The following THSD4 variants were observed in gnomAD, a reference collection of about 807,000 sequenced individuals.
The protein encoded by THSD4 is thrombospondin type 1 domain containing 4, also known as thrombospondin type-1 domain-containing protein 4.
A neutral mutation model predicts 119.0 loss-of-function variants in THSD4; 69 were observed. That is an observed-to-expected ratio of 0.58 (90% CI 0.48 to 0.71). The LOEUF (loss-of-function observed/expected upper bound fraction) is 0.71, where lower values mean the gene tolerates loss of function less well. Ranked by LOEUF, THSD4 falls within the 30% of genes least tolerant of loss-of-function variation. The pLI, the probability that THSD4 is intolerant of heterozygous loss-of-function variation, is 0.00. For missense variants in THSD4, 1,393 were observed against 1,391.1 expected, an observed-to-expected ratio of 1.00 and a Z score of -0.02; for synonymous variants, 524 against 540.4, an observed-to-expected ratio of 0.97 and a Z score of 0.42.
At chr15:71,530,945 C>T (rs368753116) in intron 7 of THSD4, among the ~76,000 whole-genome samples, 7 of 54,108 alleles carry the variant, frequency 1.3e-4, no homozygotes, top group East Asian at 5.0e-4. Flanking sequence ...AAATGGGGGG[C>T]GGGGGCATTG....
chr15:71,529,986 G>T (rs2140809785), intron 7 of THSD4, among the ~76,000 whole-genome samples: 1 of 152,302 alleles, frequency 6.6e-6, no homozygotes, highest in African/African-American at 2.4e-5. Context: ...ATCTGTGGCT[G>T]CTTATCCCAA....
intron 7 of THSD4, among the ~76,000 whole-genome samples, chr15:71,586,754 T>G (rs983277731): frequency 3.9e-5 from 6 of 152,196 alleles, no homozygotes; most frequent in African/African-American, 7.2e-5. Context: ...CGTGGGATTA[T>G]CCAGGGTATG....
intron 6 of THSD4, among the ~76,000 whole-genome samples, chr15:71,374,025 GAGGGT>G (rs1290592965): frequency 6.6e-6 from 1 of 152,232 alleles, no homozygotes; most frequent in African/African-American, 2.4e-5. Flanking sequence ...AATAAGTCAA[GAGGGT>G]AGACCTGGAA....
At chr15:71,327,449 CTT>C (rs2045360792) in intron 6 of THSD4, among the ~76,000 whole-genome samples, 3 of 151,208 alleles carry the variant, frequency 2.0e-5, no homozygotes, top group Middle Eastern at 3.4e-3. Context: ...GAACCACACA[CTT>C]TATAAAACCA....
chr15:71,116,631 G>T (rs1215142699), intron 1 of THSD4, among the ~76,000 whole-genome samples: 1 of 152,162 alleles, frequency 6.6e-6, no homozygotes, highest in Non-Finnish European at 1.5e-5. Context: ...AAGCTTGGAC[G>T]TGGGTAGCAA....
intron 1 of THSD4, among the ~76,000 whole-genome samples, chr15:71,135,991 GTTTTT>G (rs10540241): frequency 2.2e-4 from 15 of 69,102 alleles, no homozygotes; most frequent in African/African-American, 6.5e-4. Context: ...GTTTAGTTTA[GTTTTT>G]TTTTTTTTTT....
intron 9 of THSD4, chr15:71,730,406 T>C (rs1419590255): frequency 1.3e-5 from 2 of 152,282 alleles, no homozygotes; most frequent in South Asian, 2.1e-4. Context: ...CTAAATCCAA[T>C]AGGGAGGGAC....
intron 7 of THSD4, among the ~76,000 whole-genome samples, chr15:71,629,433 G>A (rs890501412): frequency 1.3e-5 from 2 of 152,144 alleles, no homozygotes; most frequent in Non-Finnish European, 2.9e-5. Flanking sequence ...AAGAGCCAGT[G>A]GGACCCTGAG....
intron 1 of THSD4, among the ~76,000 whole-genome samples, chr15:71,116,320 A>C (rs2040362272): frequency 2.0e-5 from 3 of 152,254 alleles, no homozygotes; most frequent in Admixed American, 2.0e-4. Flanking sequence ...CCCTTGGCGC[A>C]CTTACAGAAG....
chr15:71,202,719 GT>G (rs1239600639), intron 3 of THSD4, among the ~76,000 whole-genome samples: 1 of 152,156 alleles, frequency 6.6e-6, no homozygotes, highest in African/African-American at 2.4e-5. Flanking sequence ...CACATGCTTT[GT>G]TGGGGGACTC....
intron 4 of THSD4, among the ~76,000 whole-genome samples, chr15:71,236,207 A>G (rs925259032): frequency 2.6e-5 from 4 of 152,186 alleles, no homozygotes; most frequent in African/African-American, 7.2e-5. Context: ...AAGAAACACA[A>G]AACAGCCTGG....
At chr15:71,107,631 C>T (rs75534711) in intron 1 of THSD4, among the ~76,000 whole-genome samples, 1,720 of 152,304 alleles carry the variant, frequency 0.011, 35 homozygotes, top group African/African-American at 0.038. Context: ...CTTGTTCTTG[C>T]TCATGTTTGC....
At chr15:71,234,077 G>A (rs988774204) in intron 4 of THSD4, among the ~76,000 whole-genome samples, 1 of 152,186 alleles carries the variant, frequency 6.6e-6, no homozygotes, top group Non-Finnish European at 1.5e-5. Context: ...GTCACCAAGG[G>A]CCATATACTC....
chr15:71,540,559 G>T (rs2048745484), intron 7 of THSD4, among the ~76,000 whole-genome samples: 2 of 143,850 alleles, frequency 1.4e-5, no homozygotes. Context: ...CTCCCGAGTA[G>T]ATGGGATTAC....
intron 4 of THSD4, among the ~76,000 whole-genome samples, chr15:71,225,549 TTC>T (rs1491078490): frequency 0.014 from 1,105 of 81,308 alleles, 59 homozygotes; most frequent in African/African-American, 0.039. Context: ...CTTTTTTTTT[TTC>T]TTTTTTTTTT....
chr15:71,512,723 A>G (rs2048300612), intron 7 of THSD4, among the ~76,000 whole-genome samples: 2 of 151,886 alleles, frequency 1.3e-5, no homozygotes, highest in South Asian at 4.2e-4. Context: ...AAACAATACT[A>G]GAATTCTTTT....
chr15:71,182,868 C>A (rs1399126674), intron 3 of THSD4, among the ~76,000 whole-genome samples: 6 of 151,786 alleles, frequency 4.0e-5, no homozygotes, highest in African/African-American at 1.4e-4. Flanking sequence ...TTTGGAGAAA[C>A]AGAGCAGAAG....
intron 10 of THSD4, chr15:71,731,642 G>A: frequency 5.2e-6 from 1 of 190,478 alleles, no homozygotes; most frequent in Non-Finnish European, 1.1e-5. Flanking sequence ...AATTAGCCAG[G>A]CATGGTGGTG....
intron 15 of THSD4, among the ~76,000 whole-genome samples, chr15:71,763,554 A>ATTTTTTTTTT (rs10647138): frequency 6.9e-6 from 1 of 144,970 alleles, no homozygotes; most frequent in African/African-American, 2.6e-5. Context: ...CTAAAAACAA[A>ATTTTTTTTTT]TTTTTTTTTT....
Sources: allele counts gnomAD v4.1 joint callset (sites outside exome capture counted in the v4.1 genomes callset), GRCh38; gene constraint gnomAD v4.1.1; transcripts MANE v1.5; gene names NCBI Gene and HGNC (gene_info 2026-07-23, HGNC 2026-07-21).